WDSUB1: variants seen among roughly 807,000 people sequenced by gnomAD.
WDSUB1 encodes WD repeat, sterile alpha motif and U-box domain containing 1, also known as WD repeat, SAM and U-box domain-containing protein 1.
Under a neutral mutation model 53.9 loss-of-function variants are expected in WDSUB1, and 49 were observed. The observed-to-expected ratio is 0.91, with a 90% CI of 0.72 to 1.15. The LOEUF (loss-of-function observed/expected upper bound fraction) is 1.15. Ranked by LOEUF, WDSUB1 falls within the 50% of genes most tolerant of loss-of-function variation. The pLI is 0.00. For synonymous variants in WDSUB1, 194 were observed against 200.6 expected, an observed-to-expected ratio of 0.97 and a Z score of 0.28; for missense variants, 514 against 562.0, an observed-to-expected ratio of 0.91 and a Z score of 0.86.
intron 10 of WDSUB1, among the ~76,000 whole-genome samples, chr2:159,242,994 TAGAAG>T (rs1248838684): frequency 6.8e-6 from 1 of 147,836 alleles, no homozygotes; most frequent in Non-Finnish European, 1.5e-5. Flanking sequence ...AAAAGGAAAG[TAGAAG>T]AGAAATTAGA....
intron 3 of WDSUB1, among the ~76,000 whole-genome samples, chr2:159,277,829 A>G (rs1178318497): frequency 6.6e-6 from 1 of 152,220 alleles, no homozygotes; most frequent in African/African-American, 2.4e-5. Context: ...TAAGGTTAAG[A>G]TATATTTCCA....
At chr2:159,251,335 C>T (rs1267466066) in intron 9 of WDSUB1, among the ~76,000 whole-genome samples, 1 of 151,970 alleles carries the variant, frequency 6.6e-6, no homozygotes, top group Admixed American at 6.6e-5. Context: ...ATTTTCCTGT[C>T]AAAAATATTC....
chr2:159,284,657 C>T (rs2061750248), intron 1 of WDSUB1, among the ~76,000 whole-genome samples: 2 of 152,206 alleles, frequency 1.3e-5, no homozygotes, highest in South Asian at 2.1e-4. Context: ...AAAAGAAAAC[C>T]TAAGAAAGTG....
rs758814361 is a variant in WDSUB1 at position 159,283,116 on chromosome 2, G to T, written c.-24-23C>A. 2.8e-5 allele frequency: 44 copies of T among 1,549,254 alleles called. No individual in the cohort carries two copies. In the South Asian group the frequency reaches 5.2e-4, roughly 18 times the overall value. On this transcript the variant is annotated intron_variant, in intron 1 of 10. Transcript: ENST00000359774. ...AGCCTGAAATTTTTAAGCAGATAAA[G>T]ATTATTTATTCTAGGAATCAGATAC...
At chr2:159,265,126 A>AACAACAACAAC (rs1558861064) in intron 5 of WDSUB1, among the ~76,000 whole-genome samples, 6 of 140,326 alleles carry the variant, frequency 4.3e-5, no homozygotes, top group African/African-American at 1.6e-4. Flanking sequence ...ACAACAACAA[A>AACAACAACAAC]AAAAAACAAC....
At chr2:159,280,466 C>T (rs1459126861) in intron 2 of WDSUB1, among the ~76,000 whole-genome samples, 5 of 151,490 alleles carry the variant, frequency 3.3e-5, no homozygotes, top group Non-Finnish European at 1.5e-5. Flanking sequence ...CCGAGGCGGG[C>T]GGATCACGAG....
At position 159,270,842 on chromosome 2, in the gene WDSUB1, TACACACAC is replaced by T. The variant is rs35573661; in HGVS notation, c.770+852_770+859del. On this transcript the variant is annotated intron_variant, in intron 5 of 10. Transcript: ENST00000359774. ...GCAACAAATGGCTCAAATATAAAAA[TACACACAC>T]ACACACATACATATATAACAACAAA... Among the ~76,000 whole-genome samples, 609 of 151,166 alleles carry T rather than the reference TACACACAC, an allele frequency of 4.0e-3. 4 individuals are homozygous for T. Among genetic ancestry groups the T allele is most frequent in the African/African-American group, 0.013 (536 of 41,178 alleles).
At position 159,248,515 on chromosome 2, in the gene WDSUB1, G is replaced by T; in HGVS notation, c.1133-3C>A. On this transcript the variant is annotated splice_polypyrimidine_tract_variant and splice_region_variant and intron_variant, in intron 9 of 10. Coordinates refer to ENST00000359774, the MANE Select transcript of WDSUB1 (RefSeq NM_001128212.3). Reference sequence around the variant, plus strand: ...TTTACTACGCAGTCCTAGAGATTCTGAAAAGAAATTACTGTTAGGGCTGGA... The same window carrying T: ...TTTACTACGCAGTCCTAGAGATTCTTAAAAGAAATTACTGTTAGGGCTGGA... 1 of 1,494,146 alleles carries T rather than the reference G, an allele frequency of 6.7e-7. No individual in the cohort carries two copies. The highest frequency in any genetic ancestry group is 1.4e-5 in the African/African-American group (1 of 68,982). 92.6% of individuals were successfully genotyped at this position (1,494,146 alleles called of 1,614,324 possible). A position where few individuals can be genotyped will look rare whatever the true frequency, so the allele number is the denominator to read the frequency against.
At chr2:159,239,691 G>C (rs1329061911) in intron 10 of WDSUB1, among the ~76,000 whole-genome samples, 1 of 152,182 alleles carries the variant, frequency 6.6e-6, no homozygotes, top group Non-Finnish European at 1.5e-5. Flanking sequence ...GGGAGGCCAA[G>C]GCAAGTGGAT....
chr2:159,246,727 T>C (rs984052784), intron 10 of WDSUB1, among the ~76,000 whole-genome samples: 2 of 152,060 alleles, frequency 1.3e-5, no homozygotes, highest in African/African-American at 2.4e-5. Context: ...AGCCACAAAA[T>C]AGAAAAGACC....
At chr2:159,249,922 A>AT (rs1348740259) in intron 9 of WDSUB1, among the ~76,000 whole-genome samples, 1 of 124,732 alleles carries the variant, frequency 8.0e-6, no homozygotes, top group Non-Finnish European at 1.7e-5. Context: ...AAAAAAAAAA[A>AT]AGAAAGAAAG....
At chr2:159,245,103 CCCAGT>C (rs1257811434) in intron 10 of WDSUB1, among the ~76,000 whole-genome samples, 2 of 152,138 alleles carry the variant, frequency 1.3e-5, no homozygotes, top group Non-Finnish European at 2.9e-5. Flanking sequence ...TAAACACCAT[CCCAGT>C]GAAAATCCGG....
intron 5 of WDSUB1, among the ~76,000 whole-genome samples, chr2:159,268,037 A>G (rs1421476482): frequency 6.6e-6 from 1 of 152,214 alleles, no homozygotes; most frequent in Non-Finnish European, 1.5e-5. Flanking sequence ...CATAAATACA[A>G]TGTTAACTAA....
At chr2:159,281,645 T>A (rs1369712724) in intron 2 of WDSUB1, among the ~76,000 whole-genome samples, 1 of 152,114 alleles carries the variant, frequency 6.6e-6, no homozygotes, top group Non-Finnish European at 1.5e-5. Flanking sequence ...AATAACTGCA[T>A]CTCTTAGCTG....
intron 10 of WDSUB1, among the ~76,000 whole-genome samples, chr2:159,240,600 GT>G (rs2060618823): frequency 6.6e-6 from 1 of 152,320 alleles, no homozygotes; most frequent in South Asian, 2.1e-4. Context: ...TCATTAGACT[GT>G]TCCAGGGCAC....
chr2:159,239,035 T>A (rs2060568682), intron 10 of WDSUB1, among the ~76,000 whole-genome samples: 1 of 152,194 alleles, frequency 6.6e-6, no homozygotes, highest in Non-Finnish European at 1.5e-5. Context: ...AGGGTCTCAC[T>A]CTGTCACCCA....
At chr2:159,279,243 T>C (rs1443319619) in intron 3 of WDSUB1, among the ~76,000 whole-genome samples, 2 of 152,222 alleles carry the variant, frequency 1.3e-5, no homozygotes. Flanking sequence ...CTGTACCTAT[T>C]TAAAACCAAG....
At chr2:159,253,824 G>A (rs2061002950) in intron 9 of WDSUB1, among the ~76,000 whole-genome samples, 1 of 151,992 alleles carries the variant, frequency 6.6e-6, no homozygotes. Context: ...TTAAAATTCA[G>A]GACTAAAAGA....
chr2:159,236,389 C>G (rs2060483168), intron 10 of WDSUB1, among the ~76,000 whole-genome samples, 199 bp from the exon 11 acceptor site: 2 of 152,126 alleles, frequency 1.3e-5, no homozygotes, highest in Non-Finnish European at 2.9e-5. Context: ...ACGTATGAAG[C>G]AAAAATTGCC....
Sources: gnomAD v4.1 joint callset for allele counts (sites outside exome capture counted in the v4.1 genomes callset) on GRCh38, gnomAD v4.1.1 for gene constraint, MANE v1.5 for transcripts, NCBI Gene and HGNC (gene_info 2026-07-23, HGNC 2026-07-21) for gene names.